KHDRBS3: variants seen among roughly 807,000 people sequenced by gnomAD.
KHDRBS3 encodes KH RNA binding domain containing, signal transduction associated 3.
A neutral mutation model predicts 45.6 loss-of-function variants in KHDRBS3; 23 were observed. The ratio of observed to expected loss-of-function variants is 0.50; its 90% CI spans 0.36 to 0.72. The LOEUF (loss-of-function observed/expected upper bound fraction) is 0.72, where lower values mean the gene tolerates loss of function less well. KHDRBS3 is among the 30% of genes least tolerant of loss of function. KHDRBS3 has a pLI of 0.00. For missense variants in KHDRBS3, 352 were observed against 424.8 expected (o/e 0.83, Z 1.51); for synonymous variants, 162 against 156.5 (o/e 1.04, Z -0.26).
chr8:135,488,475 A>C (rs1437951371), intron 1 of KHDRBS3, among the ~76,000 whole-genome samples: 1 of 152,182 alleles, frequency 6.6e-6, no homozygotes, highest in Non-Finnish European at 1.5e-5. Flanking sequence ...GATTCAGCTT[A>C]TTAGGAGAAA....
At chr8:135,469,274 G>A (rs1015400084) in intron 1 of KHDRBS3, among the ~76,000 whole-genome samples, 5 of 152,260 alleles carry the variant, frequency 3.3e-5, no homozygotes, top group African/African-American at 1.2e-4. Context: ...AGAAGAGTAT[G>A]CCATTAGGAA....
At chr8:135,502,861 G>C (rs1205145477) in intron 1 of KHDRBS3, among the ~76,000 whole-genome samples, 1 of 152,004 alleles carries the variant, frequency 6.6e-6, no homozygotes, top group African/African-American at 2.4e-5. Context: ...TGTTTTTTAG[G>C]TGTATTCTAG....
chr8:135,532,604 C>T (rs1284232447), intron 2 of KHDRBS3, among the ~76,000 whole-genome samples: 1 of 152,068 alleles, frequency 6.6e-6, no homozygotes, highest in Admixed American at 6.6e-5. Context: ...TTATTCTAAG[C>T]ACTTTACTAT....
intron 1 of KHDRBS3, among the ~76,000 whole-genome samples, chr8:135,498,056 A>C (rs1043552589): frequency 1.3e-5 from 2 of 152,038 alleles, no homozygotes; most frequent in Non-Finnish European, 2.9e-5. Flanking sequence ...TCTTAAGCTA[A>C]TGTGTTCATT....
chr8:135,522,633 G>T (rs62522954), intron 2 of KHDRBS3, among the ~76,000 whole-genome samples: 26,229 of 152,052 alleles, frequency 0.17, 2,363 homozygotes, highest in East Asian at 0.35. Flanking sequence ...GTGGTATGAA[G>T]TTGCATTTAC....
chr8:135,485,619 T>A (rs543111138), intron 1 of KHDRBS3, among the ~76,000 whole-genome samples: 2 of 152,094 alleles, frequency 1.3e-5, no homozygotes, highest in Non-Finnish European at 2.9e-5. Flanking sequence ...TATGATAGTT[T>A]ATTTTTCTGT....
chr8:135,464,640 C>A (rs960756978), intron 1 of KHDRBS3, among the ~76,000 whole-genome samples: 3 of 152,232 alleles, frequency 2.0e-5, no homozygotes, highest in Non-Finnish European at 2.9e-5. Context: ...TTTAAATATA[C>A]TTGCCCTGCA....
chr8:135,643,856 G>A (rs945763990), intron 7 of KHDRBS3, among the ~76,000 whole-genome samples: 1 of 152,192 alleles, frequency 6.6e-6, no homozygotes, highest in African/African-American at 2.4e-5. Flanking sequence ...CGAGGCCGGG[G>A]GTGATGTGGG....
At chr8:135,625,472 A>T (rs1830317378) in intron 7 of KHDRBS3, 1 of 780,724 alleles carries the variant, frequency 1.3e-6, no homozygotes, top group African/African-American at 1.7e-5. Flanking sequence ...CTTAGGAGCC[A>T]CAGCAGTTCT....
At chr8:135,565,646 G>A (rs1245565655) in intron 5 of KHDRBS3, among the ~76,000 whole-genome samples, 1 of 152,148 alleles carries the variant, frequency 6.6e-6, no homozygotes, top group African/African-American at 2.4e-5. Flanking sequence ...GTTGGTGAGA[G>A]TTCATACACA....
At chr8:135,534,230 C>A (rs1300183707) in intron 2 of KHDRBS3, among the ~76,000 whole-genome samples, 2 of 146,254 alleles carry the variant, frequency 1.4e-5, no homozygotes, top group Non-Finnish European at 3.0e-5. Flanking sequence ...TTTTTTTTAA[C>A]ATTTTTAGAT....
At chr8:135,608,515 A>G (rs1829568201) in intron 7 of KHDRBS3, among the ~76,000 whole-genome samples, 1 of 152,224 alleles carries the variant, frequency 6.6e-6, no homozygotes, top group Non-Finnish European at 1.5e-5. Flanking sequence ...AGGAGATCAC[A>G]TAACCAAGAG....
chr8:135,608,110 G>A (rs1015705441), intron 7 of KHDRBS3, among the ~76,000 whole-genome samples: 2 of 151,988 alleles, frequency 1.3e-5, no homozygotes, highest in Non-Finnish European at 2.9e-5. Context: ...TGTATACACC[G>A]TCTCATTTAG....
intron 1 of KHDRBS3, among the ~76,000 whole-genome samples, chr8:135,494,806 C>T (rs969778986): frequency 6.6e-6 from 1 of 152,244 alleles, no homozygotes; most frequent in Non-Finnish European, 1.5e-5. Context: ...GCCATTCTCT[C>T]ACCCAGGTGA....
chr8:135,512,248 T>C (rs932404625), intron 1 of KHDRBS3, among the ~76,000 whole-genome samples: 3 of 152,218 alleles, frequency 2.0e-5, no homozygotes, highest in Non-Finnish European at 4.4e-5. Flanking sequence ...ACGATGGCTG[T>C]AAATACTCTT....
chr8:135,463,387 C>T (rs985912609), intron 1 of KHDRBS3, among the ~76,000 whole-genome samples: 1 of 152,030 alleles, frequency 6.6e-6, no homozygotes, highest in Non-Finnish European at 1.5e-5. Flanking sequence ...CAGTTCTGCC[C>T]ATATCAATGA....
At chr8:135,619,477 T>A (rs1296396581) in intron 7 of KHDRBS3, among the ~76,000 whole-genome samples, 1 of 152,138 alleles carries the variant, frequency 6.6e-6, no homozygotes, top group Non-Finnish European at 1.5e-5. Flanking sequence ...AGTGTCTCAA[T>A]TAAGGCTGCA....
intron 1 of KHDRBS3, among the ~76,000 whole-genome samples, chr8:135,518,988 A>G (rs1288855995): frequency 6.6e-6 from 1 of 152,214 alleles, no homozygotes; most frequent in Non-Finnish European, 1.5e-5. Flanking sequence ...ATTTCTGTGT[A>G]TATTTTTCCT....
intron 2 of KHDRBS3, among the ~76,000 whole-genome samples, chr8:135,535,358 AGTT>A (rs1825692716): frequency 6.9e-5 from 5 of 72,742 alleles, no homozygotes; most frequent in African/African-American, 2.5e-4. Flanking sequence ...TATTATATAT[AGTT>A]AAACTATATA....
Sources: gnomAD v4.1 joint callset for allele counts (sites outside exome capture counted in the v4.1 genomes callset) on GRCh38, gnomAD v4.1.1 for gene constraint, MANE v1.5 for transcripts, NCBI Gene and HGNC (gene_info 2026-07-23, HGNC 2026-07-21) for gene names.